Variants in PTPRM observed in about 807,000 individuals in gnomAD.
PTPRM encodes receptor-type tyrosine-protein phosphatase mu.
A neutral mutation model predicts 186.7 loss-of-function variants in PTPRM; 47 were observed. The observed-to-expected ratio is 0.25, with a 90% CI of 0.20 to 0.32. PTPRM has a LOEUF of 0.32. Among genes scored for constraint, PTPRM ranks in the 10% least tolerant of loss-of-function variants. The probability of loss-of-function intolerance (pLI) is 1.00; values close to 1 mark genes in which losing one functional copy is unlikely to be tolerated. For synonymous variants in PTPRM, 668 were observed against 674.9 expected, an observed-to-expected ratio of 0.99 and a Z score of 0.16; for missense variants, 1,494 against 1,865.0, an observed-to-expected ratio of 0.80 and a Z score of 3.66.
chr18:7,760,455 C>A (rs79567790), intron 1 of PTPRM, among the ~76,000 whole-genome samples: 214 of 152,262 alleles, frequency 1.4e-3, no homozygotes, highest in African/African-American at 4.9e-3. Context: ...TTGAATATAT[C>A]TGGTTGAAGC....
chr18:7,673,509 TATAAC>T (rs951126722), intron 1 of PTPRM, among the ~76,000 whole-genome samples: 55 of 152,148 alleles, frequency 3.6e-4, no homozygotes, highest in African/African-American at 1.3e-3. Context: ...AGCCACCAAA[TATAAC>T]AAACACAAAT....
intron 22 of PTPRM, among the ~76,000 whole-genome samples, chr18:8,342,799 C>T (rs1040891545): frequency 1.4e-4 from 22 of 152,080 alleles, no homozygotes; most frequent in African/African-American, 5.1e-4. Context: ...TAGGAAAGAG[C>T]TTTTTAATGC....
chr18:7,900,434 G>A (rs2049601641), intron 3 of PTPRM, among the ~76,000 whole-genome samples: 1 of 152,136 alleles, frequency 6.6e-6, no homozygotes, highest in Non-Finnish European at 1.5e-5. Context: ...GCCAACTCTT[G>A]TATTAAACTT....
At chr18:7,667,311 G>T (rs117013602) in intron 1 of PTPRM, among the ~76,000 whole-genome samples, 1 of 152,280 alleles carries the variant, frequency 6.6e-6, no homozygotes, top group Non-Finnish European at 1.5e-5. Context: ...ATCAAAACAG[G>T]TCAGCTCTAA....
chr18:8,126,720 T>C (rs532341058), intron 13 of PTPRM, among the ~76,000 whole-genome samples: 4 of 152,250 alleles, frequency 2.6e-5, no homozygotes, highest in East Asian at 3.9e-4. Context: ...ATATAACTGA[T>C]TGGATCTTAG....
At chr18:8,195,459 A>G (rs1338446897) in intron 14 of PTPRM, among the ~76,000 whole-genome samples, 5 of 152,220 alleles carry the variant, frequency 3.3e-5, no homozygotes, top group African/African-American at 7.2e-5. Flanking sequence ...AGAAAGCGCT[A>G]TTCACAATAG....
At chr18:7,692,428 G>A (rs1444915825) in intron 1 of PTPRM, among the ~76,000 whole-genome samples, 4 of 152,160 alleles carry the variant, frequency 2.6e-5, no homozygotes, top group African/African-American at 9.7e-5. Context: ...GCTATAGTGA[G>A]CCAAGTCACA....
intron 2 of PTPRM, among the ~76,000 whole-genome samples, chr18:7,840,222 G>T (rs574056714): frequency 2.0e-5 from 3 of 152,068 alleles, no homozygotes; most frequent in Non-Finnish European, 4.4e-5. Flanking sequence ...TTTTTGGTTC[G>T]TAAGAAGGTG....
intron 17 of PTPRM, among the ~76,000 whole-genome samples, chr18:8,249,744 T>G (rs1029157831): frequency 6.6e-6 from 1 of 152,222 alleles, no homozygotes; most frequent in Admixed American, 6.5e-5. Flanking sequence ...GCTTTGTTAT[T>G]ATGAACATTA....
At chr18:8,174,429 G>T (rs1426331671) in intron 14 of PTPRM, among the ~76,000 whole-genome samples, 1 of 152,100 alleles carries the variant, frequency 6.6e-6, no homozygotes, top group Non-Finnish European at 1.5e-5. Flanking sequence ...TTTTGCAAAG[G>T]CAGTTTAAAA....
At chr18:7,698,596 C>T (rs1265252477) in intron 1 of PTPRM, among the ~76,000 whole-genome samples, 1 of 152,020 alleles carries the variant, frequency 6.6e-6, no homozygotes, top group African/African-American at 2.4e-5. Flanking sequence ...ATCTTAGTGC[C>T]ATCTTTATTT....
chr18:8,203,976 G>A (rs1485925562), intron 14 of PTPRM, among the ~76,000 whole-genome samples: 1 of 152,080 alleles, frequency 6.6e-6, no homozygotes, highest in Non-Finnish European at 1.5e-5. Flanking sequence ...TACACCCAGC[G>A]ACCTCCAGAG....
intron 14 of PTPRM, among the ~76,000 whole-genome samples, chr18:8,240,818 G>GAGAA (rs2094424572): frequency 6.1e-5 from 2 of 32,770 alleles, no homozygotes; most frequent in African/African-American, 3.7e-4. Context: ...GAGAGAGAGA[G>GAGAA]AGAGAGAGAA....
chr18:8,366,327 C>T (rs1046414171), intron 23 of PTPRM, among the ~76,000 whole-genome samples: 6 of 152,194 alleles, frequency 3.9e-5, no homozygotes, highest in African/African-American at 1.2e-4. Context: ...GTCCAGAGAC[C>T]ACAGCATCAC....
intron 3 of PTPRM, among the ~76,000 whole-genome samples, chr18:7,889,333 C>CTTTCTTTTT (rs1555633913): frequency 3.3e-5 from 4 of 119,856 alleles, no homozygotes; most frequent in African/African-American, 9.8e-5. Flanking sequence ...TCTTTTCTTT[C>CTTTCTTTTT]TTTTTTTTTT....
chr18:8,206,278 G>A (rs1048277320), intron 14 of PTPRM, among the ~76,000 whole-genome samples: 1 of 74,390 alleles, frequency 1.3e-5, no homozygotes, highest in Non-Finnish European at 2.6e-5. Context: ...ATTTTGAGAC[G>A]GAGTCTTGCA....
chr18:8,237,578 A>G (rs2094361336), intron 14 of PTPRM, among the ~76,000 whole-genome samples: 1 of 151,438 alleles, frequency 6.6e-6, no homozygotes, highest in Admixed American at 6.6e-5. Context: ...CCTTCTGAGT[A>G]GCTGAGATTA....
chr18:8,387,246 G>T lies in PTPRM; in HGVS notation c.4208+11G>T. On this transcript the variant is annotated intron_variant, in intron 31 of 32. Coordinates refer to ENST00000580170, the MANE Select transcript of PTPRM (RefSeq NM_001105244.2). ...GGTTGTGCACTGCTTGTAAGTGCTTGACAGAGCTCTTCATTTCAGAACAGC... is the reference window on the plus strand; with the variant it reads ...GGTTGTGCACTGCTTGTAAGTGCTTTACAGAGCTCTTCATTTCAGAACAGC... 6.2e-7 allele frequency: 1 copy of T among 1,611,048 alleles called. No homozygotes were observed. The highest frequency in any genetic ancestry group is 1.1e-5 in the South Asian group (1 of 90,816).
In PTPRM at chr18:8,343,485, A is replaced by G. The variant is rs903498890; in HGVS notation, c.3019A>G (p.Ile1007Val). 1 of 1,614,126 alleles carries G rather than the reference A, an allele frequency of 6.2e-7. No individual in the cohort carries two copies. Among genetic ancestry groups the G allele is most frequent in the Non-Finnish European group, 8.5e-7 (1 of 1,179,974 alleles). Residue 1007 changes from isoleucine to valine, a missense_variant, in exon 23 of 33, where the codon ATC becomes GTC. Transcript: ENST00000580170. ...GGTGTGGCACGAAAACACTGCAAGTATCATCATGGTGACCAATCTTGTGGA... is the reference window on the plus strand; with the variant it reads ...GGTGTGGCACGAAAACACTGCAAGTGTCATCATGGTGACCAATCTTGTGGA... ...RMVWHENTAS[I>V]IMVTNLVEVG...
Sources: allele counts gnomAD v4.1 joint callset (sites outside exome capture counted in the v4.1 genomes callset), GRCh38; gene constraint gnomAD v4.1.1; transcripts MANE v1.5; gene names NCBI Gene and HGNC (gene_info 2026-07-23, HGNC 2026-07-21).